The following HCRTR2 variants were observed in gnomAD, a reference collection of about 807,000 sequenced individuals.
HCRTR2 encodes the protein hypocretin receptor 2, also known as orexin receptor type 2.
A neutral mutation model predicts 49.0 loss-of-function variants in HCRTR2; 22 were observed. The ratio of observed to expected loss-of-function variants is 0.45; its 90% CI spans 0.32 to 0.64. The LOEUF is 0.64. Among genes scored for constraint, HCRTR2 ranks in the 30% least tolerant of loss-of-function variants. The pLI, the probability that HCRTR2 is intolerant of heterozygous loss-of-function variation, is 0.04. For synonymous variants in HCRTR2, 236 were observed against 205.3 expected, an observed-to-expected ratio of 1.15 and a Z score of -1.28; for missense variants, 491 against 559.4, an observed-to-expected ratio of 0.88 and a Z score of 1.23.
chr6:55,273,890 G>A (rs1215769995), intron 4 of HCRTR2, among the ~76,000 whole-genome samples: 3 of 151,638 alleles, frequency 2.0e-5, no homozygotes, highest in South Asian at 4.2e-4. Context: ...AGTCCTCTGG[G>A]ATACACACAA....
intron 1 of HCRTR2, among the ~76,000 whole-genome samples, chr6:55,195,146 T>C (rs1453105710): frequency 6.6e-6 from 1 of 151,890 alleles, no homozygotes; most frequent in African/African-American, 2.4e-5. Flanking sequence ...AGTAACCATA[T>C]AGGACAATAA....
At chr6:55,193,672 A>T (rs980554057) in intron 1 of HCRTR2, among the ~76,000 whole-genome samples, 5 of 152,058 alleles carry the variant, frequency 3.3e-5, no homozygotes, top group Non-Finnish European at 7.4e-5. Context: ...AAACTTGATC[A>T]AAATACTGTC....
Position 55,141,713 on chromosome 6 carries a change from G to A in HCRTR2, c.-377-32498G>A, listed in dbSNP as rs531697581. Among the ~76,000 whole-genome samples, 471 of 152,168 alleles carry A rather than the reference G, an allele frequency of 3.1e-3. 1 individual carries two copies. Among genetic ancestry groups the A allele is most frequent in the South Asian group, 0.013 (64 of 4,816 alleles). ...ATACTGATATCTAAAGAAGCCTAGA[G>A]AACAAACAATACAACTGGACAGAAT... is the stretch of plus-strand genomic sequence containing the variant. On this transcript the variant is annotated intron_variant, in intron 1 of 7. Transcript: ENST00000615358.
chr6:55,255,064 T>C, intron 2 of HCRTR2, 72 bp from the exon 3 acceptor site: 1 of 1,532,266 alleles, frequency 6.5e-7, no homozygotes, highest in Admixed American at 1.8e-5. Context: ...CTTTCTCATA[T>C]AGTAAATATA....
chr6:55,132,859 T>C (rs191686550), intron 1 of HCRTR2, among the ~76,000 whole-genome samples: 1 of 151,798 alleles, frequency 6.6e-6, no homozygotes, highest in East Asian at 1.9e-4. Flanking sequence ...GAATCATTCT[T>C]TGGGGAAAAT....
intron 1 of HCRTR2, among the ~76,000 whole-genome samples, chr6:55,186,427 A>T (rs756029619): frequency 3.3e-5 from 5 of 152,200 alleles, no homozygotes; most frequent in Non-Finnish European, 5.9e-5. Flanking sequence ...AATGATTATG[A>T]AAGACCATTT....
At chr6:55,158,943 G>A (rs1434226025) in intron 1 of HCRTR2, among the ~76,000 whole-genome samples, 2 of 152,194 alleles carry the variant, frequency 1.3e-5, no homozygotes, top group Admixed American at 1.3e-4. Flanking sequence ...CCAGCACAGC[G>A]CTCGAGCTCT....
At chr6:55,165,066 C>A (rs1404334541) in intron 1 of HCRTR2, among the ~76,000 whole-genome samples, 4 of 151,998 alleles carry the variant, frequency 2.6e-5, no homozygotes, top group Non-Finnish European at 5.9e-5. Flanking sequence ...ATTGATCCTG[C>A]AGAAGAAAGA....
intron 1 of HCRTR2, among the ~76,000 whole-genome samples, chr6:55,200,946 T>C (rs1765502381): frequency 6.6e-6 from 1 of 152,150 alleles, no homozygotes; most frequent in Admixed American, 6.5e-5. Flanking sequence ...ATTTTGTAGA[T>C]CCAAATTCCT....
At chr6:55,129,007 G>C (rs144345568) in intron 1 of HCRTR2, among the ~76,000 whole-genome samples, 1 of 152,004 alleles carries the variant, frequency 6.6e-6, no homozygotes, top group South Asian at 2.1e-4. Flanking sequence ...GCTTCTCCTG[G>C]TTCCCTTCAA....
At chr6:55,199,176 G>T (rs187268630) in intron 1 of HCRTR2, among the ~76,000 whole-genome samples, 1 of 151,932 alleles carries the variant, frequency 6.6e-6, no homozygotes, top group Non-Finnish European at 1.5e-5. Context: ...AAACACACAC[G>T]ACTACCACAA....
At chr6:55,247,438 G>A (rs1299235389) in intron 1 of HCRTR2, among the ~76,000 whole-genome samples, 1 of 152,082 alleles carries the variant, frequency 6.6e-6, no homozygotes, top group Non-Finnish European at 1.5e-5. Context: ...ATTGTCCAAA[G>A]AAATCCTCAT....
intron 1 of HCRTR2, among the ~76,000 whole-genome samples, chr6:55,134,658 T>C (rs977145208): frequency 6.6e-6 from 1 of 151,894 alleles, no homozygotes. Context: ...CAGACCCTGG[T>C]AACTACACAT....
chr6:55,133,175 A>G (rs1764382320), intron 1 of HCRTR2, among the ~76,000 whole-genome samples: 1 of 151,802 alleles, frequency 6.6e-6, no homozygotes, highest in Admixed American at 6.6e-5. Context: ...GGTAGGACTT[A>G]TTTTTAGAGT....
chr6:55,188,008 T>C (rs1765254635), intron 1 of HCRTR2, among the ~76,000 whole-genome samples: 1 of 151,924 alleles, frequency 6.6e-6, no homozygotes, highest in South Asian at 2.1e-4. Context: ...GGTCTTGATC[T>C]CCTGACCTCG....
At chr6:55,221,770 G>A (rs923944635) in intron 1 of HCRTR2, among the ~76,000 whole-genome samples, 5 of 149,746 alleles carry the variant, frequency 3.3e-5, no homozygotes, top group South Asian at 2.1e-4. Context: ...GTGAGATCAC[G>A]CCACTGCACT....
At chr6:55,171,524 T>C (rs541501039), upstream of HCRTR2, among the ~76,000 whole-genome samples, 10 of 152,282 alleles carry the variant, frequency 6.6e-5, no homozygotes, top group African/African-American at 2.4e-4. Context: ...AAATGAGTAT[T>C]ATAATATTTA....
chr6:55,271,634 G>A (rs1766975023), intron 4 of HCRTR2, among the ~76,000 whole-genome samples: 1 of 152,050 alleles, frequency 6.6e-6, no homozygotes, highest in African/African-American at 2.4e-5. Context: ...AATCATATAT[G>A]TGTTAAGGAA....
At chr6:55,189,580 G>A (rs1025570194) in intron 1 of HCRTR2, among the ~76,000 whole-genome samples, 4 of 152,162 alleles carry the variant, frequency 2.6e-5, no homozygotes, top group African/African-American at 9.7e-5. Context: ...TATAAGCAGA[G>A]CTGAACAATG....
Sources: allele counts gnomAD v4.1 joint callset (sites outside exome capture counted in the v4.1 genomes callset), GRCh38; gene constraint gnomAD v4.1.1; transcripts MANE v1.5; gene names NCBI Gene and HGNC (gene_info 2026-07-23, HGNC 2026-07-21).